Variants in AQP7 observed in about 807,000 individuals in gnomAD.
The protein encoded by AQP7 is aquaporin-7.
Under a neutral mutation model 26.1 loss-of-function variants are expected in AQP7, and 22 were observed. That is an observed-to-expected ratio of 0.84 (90% CI 0.60 to 1.20). AQP7 has a LOEUF of 1.20. Among genes scored for constraint, AQP7 ranks in the 50% most tolerant of loss-of-function variants. The pLI is 0.00. For synonymous variants in AQP7, 167 were observed against 181.7 expected, an observed-to-expected ratio of 0.92 and a Z score of 0.65; for missense variants, 412 against 457.5, an observed-to-expected ratio of 0.90 and a Z score of 0.91.
At position 33,395,404 on chromosome 9, in the gene AQP7, C is replaced by T. The variant is rs1175499397; in HGVS notation, c.27-209G>A. 9.8e-5 allele frequency: 57 copies of T among 581,298 alleles called. No individual in the cohort carries two copies. The East Asian group carries it at 1.7e-3, about 17-fold the overall frequency. The allele number at this position is 581,298 out of a possible 1,614,324, so 36.0% of individuals were successfully genotyped here. On this transcript the variant is annotated intron_variant, in intron 2 of 7. Coordinates refer to ENST00000297988, the MANE Select transcript of AQP7 (RefSeq NM_001170.3). ...GAGGAACTGGGGTAGATGGCCAGGC[C>T]ATGCCCCTTCTAGTTGGGACTGGAC...
At chr9:33,398,672 G>A (rs62544587) in intron 2 of AQP7, among the ~76,000 whole-genome samples, 9 of 152,306 alleles carry the variant, frequency 5.9e-5, no homozygotes, top group East Asian at 1.9e-4. Flanking sequence ...CCCTTTCTGG[G>A]CATGTTGAGT....
intron 3 of AQP7, among the ~76,000 whole-genome samples, chr9:33,391,291 T>C (rs973938773): frequency 4.6e-5 from 7 of 152,184 alleles, no homozygotes; most frequent in Non-Finnish European, 8.8e-5. Flanking sequence ...CAGGCAACAC[T>C]GGCCTGCATT....
Position 33,386,472 on chromosome 9 carries a change from G to C in AQP7, c.338C>G (p.Pro113Arg), listed in dbSNP as rs373004742. 1 of 1,611,936 alleles carries C rather than the reference G, an allele frequency of 6.2e-7. No individual in the cohort carries two copies. Among genetic ancestry groups the C allele is most frequent in the African/African-American group, 1.3e-5 (1 of 74,926 alleles). The change falls in exon 5 of 8, where the codon CCG becomes CGG. Residue 113 changes from proline to arginine, a missense_variant. Coordinates refer to ENST00000297988, the MANE Select transcript of AQP7 (RefSeq NM_001170.3). ...CAGGAACTGCCCCAGCACATAGACCGGAAACTTCCTCCAGGGCACGCGGCC... is the reference window on the plus strand; with the variant it reads ...CAGGAACTGCCCCAGCACATAGACCCGAAACTTCCTCCAGGGCACGCGGCC... ...ALGRVPWRKF[P>R]VYVLGQFLGS...
intron 1 of AQP7, 147 bp from the exon 2 acceptor site, chr9:33,401,434 G>A: frequency 1.4e-6 from 1 of 692,370 alleles, no homozygotes; most frequent in South Asian, 1.7e-5. Context: ...AGGGAGGGAG[G>A]AGCGGTGCTC....
intron 4 of AQP7, 57 bp from the exon 5 acceptor site, chr9:33,386,598 A>G: frequency 8.3e-6 from 13 of 1,573,116 alleles, no homozygotes; most frequent in Non-Finnish European, 1.1e-5. Context: ...AACAGTGACA[A>G]ACAGTATGAG....
At chr9:33,396,692 A>C (rs1825877230) in intron 2 of AQP7, among the ~76,000 whole-genome samples, 1 of 144,108 alleles carries the variant, frequency 6.9e-6, no homozygotes, top group African/African-American at 2.6e-5. Context: ...TCTTGACCTA[A>C]ATTTCCCTTT....
chr9:33,389,424 C>T (rs1825177172), intron 3 of AQP7, among the ~76,000 whole-genome samples: 1 of 152,194 alleles, frequency 6.6e-6, no homozygotes, highest in Admixed American at 6.5e-5. Context: ...GTCCTCTCAC[C>T]TCAGCCTCCC....
Position 33,386,667 on chromosome 9 carries a change from C to T in AQP7, c.269-126G>A, listed in dbSNP as rs1242023070. On this transcript the variant is annotated intron_variant, in intron 4 of 7. Coordinates refer to ENST00000297988, the MANE Select transcript of AQP7 (RefSeq NM_001170.3). Reference sequence around the variant, plus strand: ...CCGTGACAGAGCTCTCTCCTTGAGCCCTCACAACCACCCCGTGAGGCAGGG... The same window carrying T: ...CCGTGACAGAGCTCTCTCCTTGAGCTCTCACAACCACCCCGTGAGGCAGGG... 2.3e-6 allele frequency: 3 copies of T among 1,315,330 alleles called. No individual in the cohort carries two copies. The African/African-American group carries it at 4.4e-5, about 19-fold the overall frequency. The allele number at this position is 1,315,330 out of a possible 1,614,324, so 81.5% of individuals were successfully genotyped here.
chr9:33,395,291 C>T, intron 2 of AQP7, 96 bp from the exon 3 acceptor site: 1 of 1,063,344 alleles, frequency 9.4e-7, no homozygotes, highest in East Asian at 2.5e-5. Context: ...ATAGGTAACC[C>T]AGCAGCCTCG....
rs554378861 is a variant in AQP7 at position 33,393,583 on chromosome 9, C to T, written c.144+1495G>A. ...GCCCCTTCTTTCTCTAGACCCTGGA[C>T]CCTGCATAAGATGCAATAAACATGG... On this transcript the variant is annotated intron_variant, in intron 3 of 7. Transcript: ENST00000297988. Among the ~76,000 whole-genome samples, 17 of 152,346 alleles carry T rather than the reference C, an allele frequency of 1.1e-4. No individual in the cohort carries two copies. The South Asian group carries it at 3.3e-3, about 30-fold the overall frequency.
rs375162843 is a variant in AQP7, at chr9:33,398,400, G to C, written c.26+2837C>G. Among the ~76,000 whole-genome samples, 47 of 152,138 alleles carry C rather than the reference G, an allele frequency of 3.1e-4. No homozygotes were observed. The East Asian group carries it at 6.2e-3, about 20-fold the overall frequency. On this transcript the variant is annotated intron_variant, in intron 2 of 7. Transcript: ENST00000297988. ...TTTCAGCAGGAGAGCTGCCTCCCCT[G>C]TGGAGGCCAGGATGGAGGAAGTGGA... is the stretch of plus-strand genomic sequence containing the variant.
intron 2 of AQP7, among the ~76,000 whole-genome samples, chr9:33,397,865 G>T (rs1303482060): frequency 6.6e-6 from 1 of 152,128 alleles, no homozygotes; most frequent in East Asian, 1.9e-4. Context: ...CCACACAGCT[G>T]GCAAGACACA....
At chr9:33,400,114 G>A (rs1216009876) in intron 2 of AQP7, among the ~76,000 whole-genome samples, 1 of 152,148 alleles carries the variant, frequency 6.6e-6, no homozygotes, top group Admixed American at 6.5e-5. Flanking sequence ...CCTGGAGAGC[G>A]ATGTAGGCTA....
intron 3 of AQP7, among the ~76,000 whole-genome samples, chr9:33,391,080 C>T (rs1325397529): frequency 6.6e-6 from 1 of 152,160 alleles, no homozygotes; most frequent in Non-Finnish European, 1.5e-5. Flanking sequence ...GCACTCCAGC[C>T]TGGGCAACAG....
Position 33,385,212 on chromosome 9 carries a change from G to C in AQP7, c.822C>G (p.Val274=), listed in dbSNP as rs1173477175. The C allele has an allele frequency of 5.6e-6, 9 of 1,611,782 alleles. No individual in the cohort carries two copies. The Middle Eastern group carries it at 6.7e-4, about 121-fold the overall frequency. Residue 274 remains valine, a synonymous_variant, in exon 8 of 8, where the codon GTC becomes GTG. Transcript: ENST00000297988. ...CCCGTGGGATGGTGGAGCCAATGAA[G>C]ACCAGGTAGATGATGCCACCTAGAT... ...GAYLGGIIYL[V]FIGSTIPREP...
chr9:33,395,883 A>G (rs1410605279), intron 2 of AQP7, among the ~76,000 whole-genome samples: 2 of 152,216 alleles, frequency 1.3e-5, no homozygotes, highest in Non-Finnish European at 2.9e-5. Flanking sequence ...GTGTATCTTC[A>G]GTGCCCAGCA....
In AQP7 at chr9:33,385,252, G is replaced by T; in HGVS notation, c.782C>A (p.Pro261Gln). 1.9e-6 allele frequency: 3 copies of T among 1,611,568 alleles called. No individual in the cohort carries two copies. The highest frequency in any genetic ancestry group is 2.5e-6 in the Non-Finnish European group (3 of 1,179,680). Residue 261 changes from proline (P) to glutamine (Q), a missense_variant, in exon 8 of 8, where the codon CCA becomes CAA. Pro to Gln is a moderately conservative substitution (Grantham distance 76). Coordinates refer to ENST00000297988, the MANE Select transcript of AQP7 (RefSeq NM_001170.3). ...GCCACCTAGATAGGCACCCAGAAGT[G>T]GTGCCACCACTGGCACCCACCACCA... Reference protein sequence around the residue: ...ENWWWVPVVAPLLGAYLGGII... With the variant: ...ENWWWVPVVAQLLGAYLGGII...
chr9:33,386,568 G>A (rs1258175674), intron 4 of AQP7, 27 bp from the exon 5 acceptor site: 1 of 1,606,246 alleles, frequency 6.2e-7, no homozygotes, highest in Non-Finnish European at 8.5e-7. Context: ...AGTGTGTCAG[G>A]GAGTGAGAGC....
At chr9:33,399,684 T>G (rs1458594773) in intron 2 of AQP7, among the ~76,000 whole-genome samples, 10 of 151,958 alleles carry the variant, frequency 6.6e-5, no homozygotes, top group Non-Finnish European at 1.3e-4. Flanking sequence ...TCTCCACCCT[T>G]GGGTCACTCT....
Sources: gnomAD v4.1 joint callset for allele counts (sites outside exome capture counted in the v4.1 genomes callset) on GRCh38, gnomAD v4.1.1 for gene constraint, MANE v1.5 for transcripts, NCBI Gene and HGNC (gene_info 2026-07-23, HGNC 2026-07-21) for gene names.